CRB1: variants seen among roughly 807,000 people sequenced by gnomAD.
CRB1 encodes crumbs cell polarity complex component 1.
Under a neutral mutation model 120.0 loss-of-function variants are expected in CRB1, and 83 were observed. The observed-to-expected ratio is 0.69, with a 90% CI of 0.58 to 0.83. The LOEUF (loss-of-function observed/expected upper bound fraction) is 0.83, where lower values mean the gene tolerates loss of function less well. Among genes scored for constraint, CRB1 ranks in the 40% least tolerant of loss-of-function variants. CRB1 has a pLI of 0.00. For synonymous variants in CRB1, 625 were observed against 612.5 expected (o/e 1.02, Z -0.30); for missense variants, 1,699 against 1,687.6 (o/e 1.01, Z -0.12).
At chr1:197,472,134 A>G (rs143675026) in intron 11 of CRB1, among the ~76,000 whole-genome samples, 101 of 152,348 alleles carry the variant, frequency 6.6e-4, no homozygotes, top group African/African-American at 2.3e-3. Flanking sequence ...CACAGACACA[A>G]CTAGTTTCAG....
the CRB1 span, chr1:197,222,404 AGGT>A: frequency 1.3e-6 from 1 of 767,320 alleles, no homozygotes; most frequent in Non-Finnish European, 2.4e-6. Flanking sequence ...GACTTGCAGT[AGGT>A]GACCTATTTC....
chr1:197,340,978 G>A (rs1221801671), intron 2 of CRB1, among the ~76,000 whole-genome samples: 1 of 152,100 alleles, frequency 6.6e-6, no homozygotes, highest in Non-Finnish European at 1.5e-5. Context: ...CGTCTTACAT[G>A]GATGGCAGCA....
At chr1:197,472,361 C>T (rs1359129176) in intron 11 of CRB1, among the ~76,000 whole-genome samples, 1 of 152,204 alleles carries the variant, frequency 6.6e-6, no homozygotes, top group Non-Finnish European at 1.5e-5. Flanking sequence ...CGCAAACATA[C>T]TTCTGTTGGT....
intron 5 of CRB1, among the ~76,000 whole-genome samples, chr1:197,419,227 A>C (rs1435315965): frequency 4.6e-5 from 7 of 152,198 alleles, no homozygotes; most frequent in Admixed American, 3.9e-4. Context: ...CAATATAGGA[A>C]TCTTTGGTTT....
At chr1:197,212,577 A>C in the CRB1 span, among the ~76,000 whole-genome samples, 1 of 152,188 alleles carries the variant, frequency 6.6e-6, no homozygotes, top group African/African-American at 2.4e-5. Flanking sequence ...AAAGCCAATC[A>C]GTTTGTTGTG....
the CRB1 span, among the ~76,000 whole-genome samples, chr1:197,217,189 C>T: frequency 1.3e-5 from 2 of 151,990 alleles, no homozygotes; most frequent in African/African-American, 4.8e-5. Flanking sequence ...AATAAAGTAC[C>T]ATTTCATACC....
At chr1:197,410,961 C>T (rs1663679961) in intron 5 of CRB1, among the ~76,000 whole-genome samples, 1 of 152,136 alleles carries the variant, frequency 6.6e-6, no homozygotes, top group South Asian at 2.1e-4. Flanking sequence ...ATAAACCATC[C>T]AAAGGCTTCT....
chr1:197,272,014 G>A (rs1654936543), intron 1 of CRB1, among the ~76,000 whole-genome samples: 1 of 152,092 alleles, frequency 6.6e-6, no homozygotes, highest in Admixed American at 6.6e-5. Context: ...AAAACCATTA[G>A]CAATTATTAA....
chr1:197,421,332 A>G lies in CRB1; in HGVS notation c.1504A>G (p.Thr502Ala). 1 of 1,614,218 alleles carries G rather than the reference A, an allele frequency of 6.2e-7. No homozygotes were observed. Among genetic ancestry groups the G allele is most frequent in the African/African-American group, 1.3e-5 (1 of 75,050 alleles). The change falls in exon 6 of 12, where the codon ACA becomes GCA. Residue 502 changes from threonine to alanine, a missense_variant. By Grantham distance (58) the Thr-to-Ala change is moderately conservative. Coordinates refer to ENST00000367400, the MANE Select transcript of CRB1 (RefSeq NM_201253.3). ...GFLWVKSGSVTTKGSVCNIAL... is the reference protein window; with the variant it reads ...GFLWVKSGSVATKGSVCNIAL... ...CCTGTGGGTCAAAAGTGGCTCAGTG[A>G]CAACCAAGGGCTCAGTTTGTAACAT...
At chr1:197,294,105 C>T (rs569988053) in intron 1 of CRB1, among the ~76,000 whole-genome samples, 1 of 152,268 alleles carries the variant, frequency 6.6e-6, no homozygotes, top group East Asian at 1.9e-4. Flanking sequence ...GCAAAAGAAA[C>T]TACCATCAGG....
intron 1 of CRB1, among the ~76,000 whole-genome samples, chr1:197,287,727 C>T (rs1470341651): frequency 6.6e-6 from 1 of 151,810 alleles, no homozygotes; most frequent in Admixed American, 6.6e-5. Context: ...TACAACTAGC[C>T]AAATGATCCA....
the CRB1 span, among the ~76,000 whole-genome samples, chr1:197,235,045 G>C: frequency 2.6e-5 from 4 of 152,126 alleles, no homozygotes; most frequent in African/African-American, 4.8e-5. Context: ...TACAAGAGTG[G>C]GGCATCATCT....
At chr1:197,400,912 AGTAT>A (rs1180762044) in intron 5 of CRB1, among the ~76,000 whole-genome samples, 3 of 152,140 alleles carry the variant, frequency 2.0e-5, no homozygotes, top group African/African-American at 7.2e-5. Flanking sequence ...AAAATACTTT[AGTAT>A]ATCTATTCTG....
chr1:197,231,089 A>G, the CRB1 span, among the ~76,000 whole-genome samples: 3 of 152,214 alleles, frequency 2.0e-5, no homozygotes, highest in Non-Finnish European at 4.4e-5. Context: ...TGTGTACACC[A>G]TCAACAATTT....
chr1:197,453,837 T>C (rs998702027), intron 11 of CRB1, among the ~76,000 whole-genome samples: 1 of 142,766 alleles, frequency 7.0e-6, no homozygotes, highest in East Asian at 2.0e-4. Flanking sequence ...TATTAATATA[T>C]TATCAATATT....
At chr1:197,386,404 G>A (rs531288716) in intron 5 of CRB1, among the ~76,000 whole-genome samples, 38 of 152,072 alleles carry the variant, frequency 2.5e-4, no homozygotes, top group Non-Finnish European at 5.3e-4. Flanking sequence ...AAACTTGTGA[G>A]GACCCAGTTA....
rs551246870 is a variant in CRB1, at chr1:197,415,113, C to T, written c.1172-5887C>T. On this transcript the variant is annotated intron_variant, in intron 5 of 11. Transcript: ENST00000367400. ...GAAAGATCAAATGCATAAATTTTAG[C>T]AATCATAAGAAAAAAAACAGTAGGC... Among the ~76,000 whole-genome samples, 6 of 151,866 alleles carry T rather than the reference C, an allele frequency of 4.0e-5. No individual in the cohort carries two copies. In the South Asian group the frequency reaches 1.2e-3, roughly 32 times the overall value.
intron 4 of CRB1, among the ~76,000 whole-genome samples, chr1:197,349,928 G>A (rs866821268): frequency 1.5e-4 from 23 of 151,514 alleles, no homozygotes; most frequent in Admixed American, 7.9e-4. Flanking sequence ...GTGAAACCCC[G>A]TCTCTACTAA....
At chr1:197,223,267 G>A in the CRB1 span, 1 of 924,372 alleles carries the variant, frequency 1.1e-6, no homozygotes, top group Non-Finnish European at 1.7e-6. Flanking sequence ...TATTCCTTGT[G>A]CCAGAATTAG....
Sources: gnomAD v4.1 joint callset for allele counts (sites outside exome capture counted in the v4.1 genomes callset) on GRCh38, gnomAD v4.1.1 for gene constraint, MANE v1.5 for transcripts, NCBI Gene and HGNC (gene_info 2026-07-23, HGNC 2026-07-21) for gene names.